The following ARL13B variants were observed in gnomAD, a reference collection of about 807,000 sequenced individuals.
ARL13B encodes ADP-ribosylation factor-like protein 13B.
Under a neutral mutation model 56.1 loss-of-function variants are expected in ARL13B, and 36 were observed. The ratio of observed to expected loss-of-function variants is 0.64; its 90% CI spans 0.49 to 0.85. ARL13B has a LOEUF of 0.85. ARL13B is among the 40% of genes least tolerant of loss of function. The pLI, the probability that ARL13B is intolerant of heterozygous loss-of-function variation, is 0.00. For missense variants in ARL13B, 519 were observed against 507.1 expected (o/e 1.02, Z -0.23); for synonymous variants, 178 against 171.1 (o/e 1.04, Z -0.32).
chr3:94,044,330 C>T (rs564001215), intron 7 of ARL13B, among the ~76,000 whole-genome samples: 191 of 147,770 alleles, frequency 1.3e-3, no homozygotes, highest in Middle Eastern at 7.7e-3. Flanking sequence ...TGAGGAGCGC[C>T]TCTGCCCGGC....
intron 3 of ARL13B, among the ~76,000 whole-genome samples, chr3:94,018,835 G>A (rs553746916): frequency 3.9e-5 from 6 of 152,044 alleles, no homozygotes; most frequent in East Asian, 3.9e-4. Context: ...GTGTGGTCTC[G>A]GCTCACTGCA....
chr3:93,996,525 T>C, intron 2 of ARL13B: 1 of 295,344 alleles, frequency 3.4e-6, no homozygotes, highest in South Asian at 3.1e-5. Flanking sequence ...TTCTTTTTTT[T>C]TTTTTAATTT....
intron 3 of ARL13B, among the ~76,000 whole-genome samples, chr3:94,031,172 A>G (rs1050504074): frequency 3.9e-5 from 6 of 152,202 alleles, no homozygotes; most frequent in Non-Finnish European, 8.8e-5. Context: ...AGCCTGGGCA[A>G]CAGAGTGAGA....
intron 4 of ARL13B, 66 bp downstream of exon 4, chr3:94,035,502 G>A (rs1001651809): frequency 1.6e-5 from 19 of 1,179,444 alleles, no homozygotes; most frequent in East Asian, 2.4e-5. Context: ...GTATAACTTG[G>A]TTTTTATAAA....
intron 1 of ARL13B, among the ~76,000 whole-genome samples, chr3:93,984,797 A>G (rs891185296): frequency 1.3e-5 from 2 of 152,170 alleles, no homozygotes; most frequent in African/African-American, 4.8e-5. Flanking sequence ...GCTTGAGCCT[A>G]GGAGTTTGAG....
chr3:93,996,167 C>G (rs1476556174), intron 2 of ARL13B, among the ~76,000 whole-genome samples: 1 of 152,270 alleles, frequency 6.6e-6, no homozygotes, highest in Non-Finnish European at 1.5e-5. Context: ...GCAGAGGCTC[C>G]TTGATGCCTT....
Position 94,050,852 on chromosome 3 carries a change from A to G in ARL13B, c.1170A>G (p.Arg390=). 1.9e-6 allele frequency: 3 copies of G among 1,612,926 alleles called. No homozygotes were observed. The highest frequency in any genetic ancestry group is 2.5e-6 in the Non-Finnish European group (3 of 1,179,712). Residue 390 remains arginine, a synonymous_variant, in exon 9 of 10, where the codon AGA becomes AGG. Transcript: ENST00000394222. ...PVGWGTPKVT[R]LPKLEPLGET... is the part of the protein sequence containing the mutation. ...GCTGGGGAACCCCTAAAGTCACTAG[A>G]CTTCCAAAACTTGAGCCTCTTGGTG... is the stretch of plus-strand genomic sequence containing the variant.
At chr3:94,027,316 G>A (rs180781827) in intron 3 of ARL13B, among the ~76,000 whole-genome samples, 4 of 152,068 alleles carry the variant, frequency 2.6e-5, no homozygotes, top group Non-Finnish European at 4.4e-5. Flanking sequence ...ATTGCAAATT[G>A]CATATATTGT....
rs747048388 is a variant in ARL13B, at chr3:94,041,230, GAGAC to G, written c.798+1250_798+1253del. 2.6e-5 allele frequency among the ~76,000 whole-genome samples: 4 copies of G among 151,984 alleles called. No individual in the cohort carries two copies. The East Asian group carries it at 5.8e-4, about 22-fold the overall frequency. ...ATATTGGAAGGTATTGGTTCCAGAAGAGACAGACAGATCAATGGAACGAATATTA... is the reference window on the plus strand; with the variant it reads ...ATATTGGAAGGTATTGGTTCCAGAAGAGACAGATCAATGGAACGAATATTA... On this transcript the variant is annotated intron_variant, in intron 6 of 9. Transcript: ENST00000394222.
chr3:94,006,866 A>G (rs941910444), intron 3 of ARL13B, among the ~76,000 whole-genome samples: 1 of 152,164 alleles, frequency 6.6e-6, no homozygotes, highest in Non-Finnish European at 1.5e-5. Context: ...GCACTGACAG[A>G]TCTGCTGTAT....
chr3:93,980,578 T>A, intron 1 of ARL13B, 96 bp downstream of exon 1: 1 of 1,474,216 alleles, frequency 6.8e-7, no homozygotes, highest in African/African-American at 1.4e-5. Context: ...TGGACGAGTC[T>A]ATCCCAGGCC....
At chr3:94,024,519 C>A (rs1003026729) in intron 3 of ARL13B, among the ~76,000 whole-genome samples, 1 of 152,198 alleles carries the variant, frequency 6.6e-6, no homozygotes, top group Admixed American at 6.5e-5. Context: ...TGGTTTGGAA[C>A]AAATCCTGAA....
chr3:93,980,357 G>A lies in ARL13B; in HGVS notation c.-67G>A. 1.3e-6 allele frequency: 2 copies of A among 1,594,682 alleles called. No homozygotes were observed. Among genetic ancestry groups the A allele is most frequent in the South Asian group, 1.1e-5 (1 of 90,854 alleles). ...GCGTCTCGGAGTGCCGGAGGCCCCC[G>A]GGGAAGAGCGGGGTGCCGGTGTCCG... is the stretch of plus-strand genomic sequence containing the variant. On this transcript the variant is annotated 5_prime_UTR_variant, in exon 1 of 10. Transcript: ENST00000394222.
chr3:93,988,386 C>T (rs1710572686), intron 1 of ARL13B, among the ~76,000 whole-genome samples: 1 of 152,144 alleles, frequency 6.6e-6, no homozygotes, highest in Non-Finnish European at 1.5e-5. Flanking sequence ...AAGCTGACAT[C>T]CAAGACAGTC....
At chr3:94,041,524 A>T (rs2107144182) in intron 6 of ARL13B, among the ~76,000 whole-genome samples, 1 of 152,314 alleles carries the variant, frequency 6.6e-6, no homozygotes, top group South Asian at 2.1e-4. Flanking sequence ...AGCAAGCCAC[A>T]AATCATAAAG....
intron 1 of ARL13B, among the ~76,000 whole-genome samples, chr3:93,990,486 TA>T (rs1320036776): frequency 6.6e-6 from 1 of 152,222 alleles, no homozygotes; most frequent in Admixed American, 6.5e-5. Context: ...GGTAATTTTA[TA>T]AAATATTTTA....
rs2077002880 is a variant in ARL13B at position 94,047,609 on chromosome 3, A to G, written c.1025-1797A>G. ...CAATCCCAGGGTATAGTATTCCATT[A>G]TATAAATGAAGAAACCAGGGACTTG... On this transcript the variant is annotated intron_variant, in intron 7 of 9. Coordinates refer to ENST00000394222, the MANE Select transcript of ARL13B (RefSeq NM_001174150.2). Among the ~76,000 whole-genome samples, 2 of 152,194 alleles carry G rather than the reference A, an allele frequency of 1.3e-5. 1 individual carries two copies. The highest frequency in any genetic ancestry group is 1.3e-4 in the Admixed American group (2 of 15,286).
chr3:94,019,159 C>T (rs532095874), intron 3 of ARL13B, among the ~76,000 whole-genome samples: 131 of 152,186 alleles, frequency 8.6e-4, no homozygotes, highest in African/African-American at 3.0e-3. Context: ...GATCTAGCCA[C>T]CTCTTACCAT....
At chr3:94,014,472 C>A in intron 3 of ARL13B, 1 of 1,606,216 alleles carries the variant, frequency 6.2e-7, no homozygotes, top group Non-Finnish European at 8.5e-7. Context: ...GTCCAAATTT[C>A]TCTTTAGTAT....
Sources: allele counts gnomAD v4.1 joint callset (sites outside exome capture counted in the v4.1 genomes callset), GRCh38; gene constraint gnomAD v4.1.1; transcripts MANE v1.5; gene names NCBI Gene and HGNC (gene_info 2026-07-23, HGNC 2026-07-21).